The following ETHE1 variants were observed in gnomAD, a reference collection of about 807,000 sequenced individuals.
ETHE1 encodes the protein ETHE1 persulfide dioxygenase, also known as persulfide dioxygenase ETHE1, mitochondrial.
A neutral mutation model predicts 25.7 loss-of-function variants in ETHE1; 16 were observed. That is an observed-to-expected ratio of 0.62 (90% CI 0.42 to 0.95). The LOEUF is 0.95. Among genes scored for constraint, ETHE1 ranks in the 40% least tolerant of loss-of-function variants. ETHE1 has a pLI of 0.00. For synonymous variants in ETHE1, 139 were observed against 135.9 expected (o/e 1.02, Z -0.16); for missense variants, 300 against 333.6 (o/e 0.90, Z 0.79).
At chr19:43,524,180 G>A (rs1370245116) in intron 3 of ETHE1, among the ~76,000 whole-genome samples, 2 of 152,000 alleles carry the variant, frequency 1.3e-5, no homozygotes, top group Non-Finnish European at 2.9e-5. Context: ...TCCAGCCTGC[G>A]CAACAAGAGC....
intron 3 of ETHE1, among the ~76,000 whole-genome samples, chr19:43,516,974 T>A (rs1182821424): frequency 2.0e-5 from 3 of 152,018 alleles, no homozygotes; most frequent in African/African-American, 7.2e-5. Flanking sequence ...ACATTTTATT[T>A]CTTTTTTTCA....
chr19:43,515,716 A>G (rs1408269803), intron 3 of ETHE1, among the ~76,000 whole-genome samples: 2 of 152,086 alleles, frequency 1.3e-5, no homozygotes, highest in Non-Finnish European at 2.9e-5. Flanking sequence ...CTAGGGTTAC[A>G]GGTGCCCACC....
At chr19:43,521,745 G>A (rs1053324737) in intron 3 of ETHE1, among the ~76,000 whole-genome samples, 1 of 151,816 alleles carries the variant, frequency 6.6e-6, no homozygotes, top group Non-Finnish European at 1.5e-5. Context: ...TTTTATGTAA[G>A]ATGAACAACC....
At chr19:43,522,280 C>T (rs896389290) in intron 3 of ETHE1, among the ~76,000 whole-genome samples, 9 of 152,100 alleles carry the variant, frequency 5.9e-5, no homozygotes, top group Admixed American at 4.6e-4. Context: ...TAAAAATTAG[C>T]TGGGCATGGT....
At chr19:43,508,999 C>T (rs1323719242) in intron 4 of ETHE1, 135 bp from the exon 5 acceptor site, 18 of 741,360 alleles carry the variant, frequency 2.4e-5, no homozygotes, top group Middle Eastern at 2.8e-4. Flanking sequence ...ATCCCTTTGT[C>T]TAAGTAGAGA....
intron 3 of ETHE1, among the ~76,000 whole-genome samples, chr19:43,520,592 T>C (rs1333353198): frequency 6.6e-6 from 1 of 151,910 alleles, no homozygotes; most frequent in Non-Finnish European, 1.5e-5. Context: ...TTCCAGCTAT[T>C]TGGAAGCCTG....
At chr19:43,508,654 AT>A (rs887787453) in intron 5 of ETHE1, 120 bp downstream of exon 5, 131 of 880,010 alleles carry the variant, frequency 1.5e-4, no homozygotes, top group Non-Finnish European at 2.1e-4. Flanking sequence ...CAAACACTTA[AT>A]TTTTTTTGGC....
At chr19:43,508,709 T>C in intron 5 of ETHE1, 66 bp downstream of exon 5, 1 of 1,276,854 alleles carries the variant, frequency 7.8e-7, no homozygotes, top group Non-Finnish European at 1.1e-6. Context: ...CCTACAAGGA[T>C]TACAGAGATT....
rs562678866 is a variant in ETHE1, at chr19:43,519,071, G to A, written c.375+7130C>T. ...GTGGCCCAGGCTGGAGTGCAGTGGT[G>A]CGATCTCGTCTCACTGCAACCTCTA... On this transcript the variant is annotated intron_variant, in intron 3 of 6. Coordinates refer to ENST00000292147, the MANE Select transcript of ETHE1 (RefSeq NM_014297.5). 5.9e-5 allele frequency among the ~76,000 whole-genome samples: 8 copies of A among 136,190 alleles called. No individual in the cohort carries two copies. The South Asian group carries it at 1.4e-3, about 24-fold the overall frequency. 89.3% of individuals were successfully genotyped at this position (136,190 alleles called of 152,430 possible). A position where few individuals can be genotyped will look rare whatever the true frequency, so the allele number is the denominator to read the frequency against.
chr19:43,511,515 C>T lies in ETHE1; in HGVS notation c.427G>A (p.Val143Ile), dbSNP rs201846162. The T allele has an allele frequency of 5.1e-5, 82 of 1,614,130 alleles. No homozygotes were observed. In the East Asian group the frequency reaches 6.9e-4, roughly 14 times the overall value. The change falls in exon 4 of 7, where the codon GTC (valine) becomes ATC (isoleucine). Residue 143 changes from valine to isoleucine, a missense_variant. By Grantham distance (29) the Val-to-Ile change is conservative. Coordinates refer to ENST00000292147, the MANE Select transcript of ETHE1 (RefSeq NM_014297.5). Reference sequence around the variant, plus strand: ...AAGGCCATGCTGTGGTCATTCAGGACGAAGGTGACACAGCCTGGGGTGTGG... The same window carrying T: ...AAGGCCATGCTGTGGTCATTCAGGATGAAGGTGACACAGCCTGGGGTGTGG... Reference protein sequence around the residue: ...PGHTPGCVTFVLNDHSMAFTG... With the variant: ...PGHTPGCVTFILNDHSMAFTG...
At chr19:43,522,656 T>G (rs918357831) in intron 3 of ETHE1, among the ~76,000 whole-genome samples, 1 of 152,046 alleles carries the variant, frequency 6.6e-6, no homozygotes, top group African/African-American at 2.4e-5. Context: ...TTATTTTGTA[T>G]TTTTAGTAGA....
At position 43,526,121 on chromosome 19, in the gene ETHE1, C is replaced by T. The variant is rs1189033207; in HGVS notation, c.375+80G>A. 3 of 1,607,158 alleles carry T rather than the reference C, an allele frequency of 1.9e-6. No individual in the cohort carries two copies. The East Asian group carries it at 6.7e-5, about 36-fold the overall frequency. ...TCCCTCCTCCCCAAGGACTCAGGAT[C>T]CCAGGCCCCCAGTCCCCTCTTCCCT... is the stretch of plus-strand genomic sequence containing the variant. On this transcript the variant is annotated intron_variant, in intron 3 of 6. Coordinates refer to ENST00000292147, the MANE Select transcript of ETHE1 (RefSeq NM_014297.5).
chr19:43,507,457 C>T (rs1455056977), intron 6 of ETHE1, among the ~76,000 whole-genome samples: 1 of 111,810 alleles, frequency 8.9e-6, no homozygotes, highest in African/African-American at 3.6e-5. Flanking sequence ...CCTCCTCCCT[C>T]AGATCCAGGA....
In ETHE1 at chr19:43,506,839, C is replaced by T. The variant is rs2145973126; in HGVS notation, c.*11G>A. The T allele has an allele frequency of 6.2e-7, 1 of 1,613,122 alleles. No homozygotes were observed. Among genetic ancestry groups the T allele is most frequent in the Non-Finnish European group, 8.5e-7 (1 of 1,179,638 alleles). On this transcript the variant is annotated 3_prime_UTR_variant, in exon 7 of 7. Coordinates refer to ENST00000292147, the MANE Select transcript of ETHE1 (RefSeq NM_014297.5). ...ATTAATAGTGGATGGGAGCATCTGA[C>T]AGAAGTGAGATCAGGCAGTGGGTGT...
At chr19:43,514,644 C>T (rs917956804) in intron 3 of ETHE1, among the ~76,000 whole-genome samples, 1 of 152,056 alleles carries the variant, frequency 6.6e-6, no homozygotes, top group African/African-American at 2.4e-5. Flanking sequence ...TACCACCACA[C>T]CTGGCTAATT....
chr19:43,522,293 C>T (rs1972151925), intron 3 of ETHE1, among the ~76,000 whole-genome samples: 1 of 151,938 alleles, frequency 6.6e-6, no homozygotes, highest in Admixed American at 6.5e-5. Context: ...GGCATGGTGG[C>T]ACATGCCCAT....
intron 4 of ETHE1, among the ~76,000 whole-genome samples, chr19:43,510,145 T>C (rs1465977898): frequency 6.6e-6 from 1 of 151,948 alleles, no homozygotes; most frequent in East Asian, 1.9e-4. Flanking sequence ...ACAGCTAAAT[T>C]CCAGGCCTAG....
intron 3 of ETHE1, among the ~76,000 whole-genome samples, chr19:43,520,376 T>A (rs951838308): frequency 1.3e-5 from 2 of 151,588 alleles, no homozygotes; most frequent in African/African-American, 4.9e-5. Flanking sequence ...GAAAAAAAGA[T>A]GAAGTGATGG....
At chr19:43,524,119 C>A (rs908325130) in intron 3 of ETHE1, among the ~76,000 whole-genome samples, 1 of 152,132 alleles carries the variant, frequency 6.6e-6, no homozygotes, top group Non-Finnish European at 1.5e-5. Flanking sequence ...CCTGTAATCC[C>A]AGCTACTCGG....
Sources: gnomAD v4.1 joint callset for allele counts (sites outside exome capture counted in the v4.1 genomes callset) on GRCh38, gnomAD v4.1.1 for gene constraint, MANE v1.5 for transcripts, NCBI Gene and HGNC (gene_info 2026-07-23, HGNC 2026-07-21) for gene names.